ANKH: variants seen among roughly 807,000 people sequenced by gnomAD.
The protein encoded by ANKH is ANKH inorganic pyrophosphate transport regulator.
Under a neutral mutation model 49.0 loss-of-function variants are expected in ANKH, and 15 were observed. That is an observed-to-expected ratio of 0.31 (90% CI 0.20 to 0.47). The LOEUF (loss-of-function observed/expected upper bound fraction) is 0.47, where lower values mean the gene tolerates loss of function less well. Ranked by LOEUF, ANKH falls within the 20% of genes least tolerant of loss-of-function variation. ANKH has a pLI of 1.00. For synonymous variants in ANKH, 273 were observed against 260.0 expected (o/e 1.05, Z -0.48); for missense variants, 429 against 652.0 (o/e 0.66, Z 3.72).
intron 1 of ANKH, among the ~76,000 whole-genome samples, chr5:14,771,051 C>T (rs1407566352): frequency 2.6e-5 from 4 of 152,164 alleles, no homozygotes; most frequent in African/African-American, 9.7e-5. Context: ...ATAATTTTCC[C>T]TACAAATATA....
chr5:14,858,429 G>T (rs535450239), intron 1 of ANKH, among the ~76,000 whole-genome samples: 1 of 152,108 alleles, frequency 6.6e-6, no homozygotes, highest in Non-Finnish European at 1.5e-5. Context: ...TAAAATATAC[G>T]CATAGTGCCA....
At position 14,716,398 on chromosome 5, in the gene ANKH, A is replaced by G. The variant is rs375603659; in HGVS notation, c.1141+308T>C. On this transcript the variant is annotated intron_variant, in intron 9 of 11. Coordinates refer to ENST00000284268, the MANE Select transcript of ANKH (RefSeq NM_054027.6). ...GTCCCAGCTACTTGGGAGGCTGAAC[A>G]GGAGAAGTGCTTGAACCCGGGAGGC... 6.6e-5 allele frequency among the ~76,000 whole-genome samples: 10 copies of G among 151,946 alleles called. No homozygotes were observed. In the East Asian group the frequency reaches 1.2e-3, roughly 18 times the overall value.
intron 7 of ANKH, among the ~76,000 whole-genome samples, chr5:14,744,384 C>T (rs562479114): frequency 1.4e-4 from 22 of 152,322 alleles, no homozygotes; most frequent in African/African-American, 5.3e-4. Context: ...GGGTCTATCG[C>T]CCATTAGCTT....
At chr5:14,802,661 CT>C (rs1740599072) in intron 1 of ANKH, among the ~76,000 whole-genome samples, 1 of 152,048 alleles carries the variant, frequency 6.6e-6, no homozygotes, top group Non-Finnish European at 1.5e-5. Flanking sequence ...CACAAGGCGT[CT>C]CCTTGAGAGC....
rs772571543 is a variant in ANKH at position 14,871,411 on chromosome 5, G to A, written c.37C>T (p.Leu13=). The A allele has an allele frequency of 3.1e-6, 5 of 1,613,548 alleles. No individual in the cohort carries two copies. The Admixed American group carries it at 6.7e-5, about 22-fold the overall frequency. The change falls in exon 1 of 12, where the codon CTG becomes TTG. Residue 13 remains leucine (L), a synonymous_variant. Transcript: ENST00000284268. ...CCCAGGGGCACCAAGAACCGGATCA[G>A]GGGCCAGTAGTGCGTGAGCGCCGGG... ...KFPALTHYWP[L]IRFLVPLGIT... is the part of the protein sequence containing the mutation.
At position 14,718,477 on chromosome 5, in the gene ANKH, ACTG is replaced by A. The variant is rs1017800871; in HGVS notation, c.1012-1645_1012-1643del. ...TATCCCCAGAGAAATGGGAGAAGACACTGCACCCATGAAACAAGAACAGAAGGA... is the reference window on the plus strand; with the variant it reads ...TATCCCCAGAGAAATGGGAGAAGACACACCCATGAAACAAGAACAGAAGGA... On this transcript the variant is annotated intron_variant, in intron 8 of 11. Transcript: ENST00000284268. Among the ~76,000 whole-genome samples, 28 of 152,316 alleles carry A rather than the reference ACTG, an allele frequency of 1.8e-4. No homozygotes were observed. In the Middle Eastern group the frequency reaches 0.01, roughly 56 times the overall value.
chr5:14,723,270 A>C (rs1016846844), intron 8 of ANKH, among the ~76,000 whole-genome samples: 3 of 152,066 alleles, frequency 2.0e-5, no homozygotes, highest in African/African-American at 7.2e-5. Flanking sequence ...GCGCTGCAGT[A>C]AAGTAATGTG....
intron 1 of ANKH, among the ~76,000 whole-genome samples, chr5:14,815,574 C>T (rs1408330816): frequency 6.6e-6 from 1 of 152,174 alleles, no homozygotes; most frequent in Non-Finnish European, 1.5e-5. Context: ...CTACACTTCC[C>T]CAGTGCTGTG....
chr5:14,753,235 T>C lies in ANKH; in HGVS notation c.517-1996A>G, dbSNP rs190832368. On this transcript the variant is annotated intron_variant, in intron 4 of 11. Transcript: ENST00000284268. ...CTGTGAGGTGGGAAATGAGGTCTTATGTTGGAAGGTGAGAGGTAGAGAAAC... is the reference window on the plus strand; with the variant it reads ...CTGTGAGGTGGGAAATGAGGTCTTACGTTGGAAGGTGAGAGGTAGAGAAAC... Among the ~76,000 whole-genome samples the C allele has an allele frequency of 6.6e-5, 10 of 152,298 alleles. No individual in the cohort carries two copies. In the East Asian group the frequency reaches 1.9e-3, roughly 29 times the overall value.
intron 1 of ANKH, among the ~76,000 whole-genome samples, chr5:14,864,413 T>C (rs777891484): frequency 6.6e-6 from 1 of 152,192 alleles, no homozygotes; most frequent in South Asian, 2.1e-4. Context: ...TCTGTGGCTC[T>C]AGAAACAACC....
intron 8 of ANKH, among the ~76,000 whole-genome samples, chr5:14,724,359 C>T (rs1255041098): frequency 1.3e-5 from 2 of 152,028 alleles, no homozygotes; most frequent in Admixed American, 6.6e-5. Context: ...AACCCCAAAA[C>T]ATTTTCAAGC....
At chr5:14,823,190 A>C (rs184590602) in intron 1 of ANKH, among the ~76,000 whole-genome samples, 11 of 152,296 alleles carry the variant, frequency 7.2e-5, no homozygotes, top group African/African-American at 2.4e-4. Flanking sequence ...TGTGAACTTC[A>C]GTGTTTACTT....
intron 1 of ANKH, among the ~76,000 whole-genome samples, chr5:14,809,358 GAAA>G (rs1281804480): frequency 1.0e-5 from 1 of 95,370 alleles, no homozygotes; most frequent in Non-Finnish European, 2.2e-5. Context: ...AAAAAAAAAA[GAAA>G]AAAAAAGAAA....
chr5:14,706,229 T>G lies in ANKH; in HGVS notation c.*4968A>C. The G allele has an allele frequency of 6.6e-6, 1 of 152,230 alleles. No individual in the cohort carries two copies. The allele number at this position is 152,230 out of a possible 1,614,324, so 9.4% of individuals were successfully genotyped here. A position where few individuals can be genotyped will look rare whatever the true frequency, so the allele number is the denominator to read the frequency against. On this transcript the variant is annotated 3_prime_UTR_variant, in exon 12 of 12. Transcript: ENST00000284268. ...AAACAGGTACTATATAAAAAAAATT[T>G]GCTGAATCTATGTGTAGCTGACAGC... is the stretch of plus-strand genomic sequence containing the variant.
chr5:14,808,207 G>A (rs541885133), intron 1 of ANKH, among the ~76,000 whole-genome samples: 2 of 152,194 alleles, frequency 1.3e-5, no homozygotes, highest in East Asian at 3.9e-4. Context: ...TATCCACTGT[G>A]AATAGTTGAG....
At chr5:14,846,099 C>T (rs1368438780) in intron 1 of ANKH, among the ~76,000 whole-genome samples, 3 of 152,032 alleles carry the variant, frequency 2.0e-5, no homozygotes, top group Non-Finnish European at 2.9e-5. Context: ...TCAAGTGATC[C>T]GCCTGCCTCG....
Position 14,734,756 on chromosome 5 carries a change from G to A in ANKH, c.1011+7071C>T, listed in dbSNP as rs114561395. On this transcript the variant is annotated intron_variant, in intron 8 of 11. Coordinates refer to ENST00000284268, the MANE Select transcript of ANKH (RefSeq NM_054027.6). ...AACTCATTCAGGTGGTGGGCCCCAC[G>A]TGGGTTCTTGGCAGAACACGGGTGT... is the stretch of plus-strand genomic sequence containing the variant. 5.2e-3 allele frequency among the ~76,000 whole-genome samples: 788 copies of A among 152,362 alleles called. 6 individuals carry two copies. Among genetic ancestry groups the A allele is most frequent in the African/African-American group, 0.018 (732 of 41,582 alleles).
intron 1 of ANKH, among the ~76,000 whole-genome samples, chr5:14,777,723 G>A (rs536511258): frequency 6.6e-6 from 1 of 152,318 alleles, no homozygotes; most frequent in African/African-American, 2.4e-5. Flanking sequence ...CTGGGGCACG[G>A]GTCCAGGTGG....
chr5:14,797,799 G>C, intron 1 of ANKH: 7 of 1,610,800 alleles, frequency 4.3e-6, no homozygotes, highest in Non-Finnish European at 5.9e-6. Context: ...CAGGCAGATG[G>C]TGTGGTCATC....
Sources: gnomAD v4.1 joint callset for allele counts (sites outside exome capture counted in the v4.1 genomes callset) on GRCh38, gnomAD v4.1.1 for gene constraint, MANE v1.5 for transcripts, NCBI Gene and HGNC (gene_info 2026-07-23, HGNC 2026-07-21) for gene names.